The following PAX6 variants were observed in gnomAD, a reference collection of about 807,000 sequenced individuals.
The protein encoded by PAX6 is paired box 6.
A neutral mutation model predicts 60.7 loss-of-function variants in PAX6; 7 were observed. That is an observed-to-expected ratio of 0.12 (90% confidence interval 0.07 to 0.22). The LOEUF is 0.22. PAX6 is among the 10% of genes least tolerant of loss of function. The pLI, the probability that PAX6 is intolerant of heterozygous loss-of-function variation, is 1.00. For synonymous variants in PAX6, 208 were observed against 201.2 expected, an observed-to-expected ratio of 1.03 and a Z score of -0.29; for missense variants, 355 against 555.2, an observed-to-expected ratio of 0.64 and a Z score of 3.62.
intron 8 of PAX6, among the ~76,000 whole-genome samples, chr11:31,797,438 T>A (rs1951936400): frequency 6.8e-6 from 1 of 148,102 alleles, no homozygotes; most frequent in Non-Finnish European, 1.5e-5. Flanking sequence ...CCAGGCCCTG[T>A]GCTGCCTCCA....
chr11:31,797,159 G>A (rs1951844744), intron 8 of PAX6, among the ~76,000 whole-genome samples: 1 of 151,914 alleles, frequency 6.6e-6, no homozygotes. Context: ...GGGACACTGA[G>A]GAGAACACAA....
At chr11:31,797,960 A>T (rs1474545306) in intron 8 of PAX6, among the ~76,000 whole-genome samples, 1 of 149,548 alleles carries the variant, frequency 6.7e-6, no homozygotes, top group African/African-American at 2.5e-5. Flanking sequence ...CGATGGGAAT[A>T]GGATTTGTTT....
chr11:31,803,106 A>C (rs1159561268), intron 4 of PAX6: 2 of 403,656 alleles, frequency 5.0e-6, no homozygotes, highest in Non-Finnish European at 4.3e-6. Context: ...CGGGCAGCCC[A>C]GTCCAAGCAA....
rs1950600626 is a variant in PAX6, at chr11:31,793,709, T to C, written c.901A>G (p.Ile301Val). The change falls in exon 11 of 14, where the codon ATC becomes GTC. Residue 301 changes from isoleucine (I) to valine (V), a missense_variant. By Grantham distance (29) the Ile-to-Val change is conservative. This residue lies in a region of PAX6 where 149 missense variants were observed against 191.9 expected (regional missense o/e 0.78). Transcript: ENST00000640368. ...ACACTGGTGCTGAAACTACTGCTGA[T>C]AGGAATATGACTAGGTGTGTTGCTG... ...QASNTPSHIP[I>V]SSSFSTSVYQ... 2 of 1,614,154 alleles carry C rather than the reference T, an allele frequency of 1.2e-6. No individual in the cohort carries two copies. The highest frequency in any genetic ancestry group is 1.7e-6 in the Non-Finnish European group (2 of 1,179,990).
upstream of PAX6, among the ~76,000 whole-genome samples, chr11:31,813,399 G>A (rs1331719677): frequency 9.0e-6 from 1 of 111,182 alleles, no homozygotes; most frequent in Non-Finnish European, 1.9e-5. Context: ...CGGGGGGGGG[G>A]GAAGTGATTC....
At chr11:31,806,547 G>T in intron 3 of PAX6, 85 bp from the exon 4 acceptor site, 3 of 1,032,228 alleles carry the variant, frequency 2.9e-6, no homozygotes, top group Non-Finnish European at 3.0e-6. Flanking sequence ...CTGGGGCTAG[G>T]ACAGGAGAAT....
chr11:31,812,223 G>T (rs1957114284), upstream of PAX6: 1 of 152,534 alleles, frequency 6.6e-6, no homozygotes. Context: ...GGAAGCCAGG[G>T]GAGATAAGAG....
At chr11:31,801,008 G>A (rs1387519739) in intron 7 of PAX6, 152 bp from the exon 8 acceptor site, 4 of 852,812 alleles carry the variant, frequency 4.7e-6, no homozygotes, top group Non-Finnish European at 7.6e-6. Context: ...CAGATACACC[G>A]TGGAAAAAAT....
At chr11:31,797,814 G>C (rs1158440761) in intron 8 of PAX6, among the ~76,000 whole-genome samples, 1 of 152,170 alleles carries the variant, frequency 6.6e-6, no homozygotes, top group Non-Finnish European at 1.5e-5. Context: ...GGACAATTAA[G>C]ATATCTTCTT....
In PAX6 at chr11:31,816,328, A is replaced by G. The variant is rs990335730; in HGVS notation, c.-317+1481T>C. ...TATGAGAGGGTCTGAGGAAAAAAAGACAAGCCTATCACGGGCGCCCTCCGA... is the reference window on the plus strand; with the variant it reads ...TATGAGAGGGTCTGAGGAAAAAAAGGCAAGCCTATCACGGGCGCCCTCCGA... On this transcript the variant is annotated intron_variant, in intron 1 of 12. Coordinates refer to the PAX6 transcript ENST00000241001. 2.4e-5 allele frequency: 13 copies of G among 536,776 alleles called. 2 individuals are homozygous for G. In the Admixed American group the frequency reaches 3.3e-4, roughly 14 times the overall value. 33.3% of individuals were successfully genotyped at this position (536,776 alleles called of 1,614,324 possible).
chr11:31,794,330 G>A (rs1950776256), intron 9 of PAX6: 1 of 629,420 alleles, frequency 1.6e-6, no homozygotes, highest in Non-Finnish European at 2.8e-6. Context: ...TCTGTGGCCT[G>A]AAATAGCCAA....
At chr11:31,811,673 G>A (rs1565279493), upstream of PAX6, 1 of 156,342 alleles carries the variant, frequency 6.4e-6, no homozygotes. Context: ...TCCTCGGAGG[G>A]TGCAAGTTTC....
upstream of PAX6, among the ~76,000 whole-genome samples, chr11:31,815,324 C>T (rs1376590739): frequency 3.9e-5 from 6 of 152,352 alleles, no homozygotes; most frequent in East Asian, 3.9e-4. Flanking sequence ...CCTGTAACCT[C>T]TGCCCCCAAG....
chr11:31,809,754 T>C (rs1331326372), intron 2 of PAX6: 2 of 152,170 alleles, frequency 1.3e-5, no homozygotes, highest in Non-Finnish European at 2.9e-5. Context: ...AATGCTTTCA[T>C]ACAGATTTAT....
At chr11:31,806,828 A>G (rs1955932895) in intron 3 of PAX6, 21 bp downstream of exon 3, 1 of 177,916 alleles carries the variant, frequency 5.6e-6, no homozygotes, top group Non-Finnish European at 1.2e-5. Context: ...TTGAGCCCAA[A>G]GCAGCCACCA....
chr11:31,798,432 C>T (rs1421440708), intron 8 of PAX6, among the ~76,000 whole-genome samples: 2 of 152,192 alleles, frequency 1.3e-5, no homozygotes, highest in Non-Finnish European at 2.9e-5. Context: ...TCTTTAAAAC[C>T]CAAGAAAGGC....
intron 8 of PAX6, among the ~76,000 whole-genome samples, chr11:31,795,757 T>C (rs557742904): frequency 9.2e-5 from 14 of 152,280 alleles, no homozygotes; most frequent in Non-Finnish European, 1.9e-4. Context: ...TTGGGCTAGC[T>C]GGCTCCCGGC....
chr11:31,800,965 C>T, intron 7 of PAX6, 109 bp from the exon 8 acceptor site: 1 of 1,142,456 alleles, frequency 8.8e-7, no homozygotes, highest in Admixed American at 1.8e-5. Flanking sequence ...CGTTAAAAAG[C>T]TCCCAGCCAC....
chr11:31,799,913 G>A (rs1592516799), intron 8 of PAX6, among the ~76,000 whole-genome samples: 1 of 152,014 alleles, frequency 6.6e-6, no homozygotes, highest in South Asian at 2.1e-4. Flanking sequence ...TCGGGGTGTG[G>A]AGGGGAGCGG....
Sources: allele counts gnomAD v4.1 joint callset (sites outside exome capture counted in the v4.1 genomes callset), GRCh38; gene constraint gnomAD v4.1.1; regional missense constraint gnomAD v4.1.1; transcripts MANE v1.5; gene names NCBI Gene and HGNC (gene_info 2026-07-23, HGNC 2026-07-21).